IMMP2L: variants seen among roughly 807,000 people sequenced by gnomAD.
IMMP2L encodes the protein mitochondrial inner membrane protease subunit 2.
In IMMP2L, 18 loss-of-function variants were observed where a neutral mutation model predicts 19.3. The ratio of observed to expected loss-of-function variants is 0.93; its 90% CI spans 0.64 to 1.38. IMMP2L has a LOEUF of 1.38. Among genes scored for constraint, IMMP2L ranks in the 40% most tolerant of loss-of-function variants. The pLI, the probability that IMMP2L is intolerant of heterozygous loss-of-function variation, is 0.00. For synonymous variants in IMMP2L, 76 were observed against 73.0 expected (o/e 1.04, Z -0.21); for missense variants, 233 against 218.2 (o/e 1.07, Z -0.43).
At chr7:110,812,527 C>T (rs1395729998) in intron 5 of IMMP2L, among the ~76,000 whole-genome samples, 1 of 151,990 alleles carries the variant, frequency 6.6e-6, no homozygotes, top group African/African-American at 2.4e-5. Context: ...CTTCTAGGAG[C>T]TGGCATCAGA....
At chr7:110,954,764 C>T (rs1341371668) in intron 4 of IMMP2L, among the ~76,000 whole-genome samples, 2 of 151,980 alleles carry the variant, frequency 1.3e-5, no homozygotes, top group Admixed American at 6.6e-5. Flanking sequence ...AATAAATAAA[C>T]ATGCAAGATT....
chr7:111,512,319 A>G (rs547030109), intron 2 of IMMP2L, among the ~76,000 whole-genome samples: 2 of 152,136 alleles, frequency 1.3e-5, no homozygotes, highest in Non-Finnish European at 2.9e-5. Context: ...AGGTTCAGAA[A>G]AGGCAAATCT....
chr7:110,880,456 T>C (rs1027075257), intron 5 of IMMP2L, among the ~76,000 whole-genome samples: 10 of 152,142 alleles, frequency 6.6e-5, no homozygotes, highest in African/African-American at 2.4e-4. Context: ...TTACATAGCT[T>C]GCTATTTATT....
At chr7:111,387,997 A>C (rs1034720839) in intron 3 of IMMP2L, among the ~76,000 whole-genome samples, 1 of 151,272 alleles carries the variant, frequency 6.6e-6, no homozygotes, top group African/African-American at 2.4e-5. Context: ...AAAAAAAAAA[A>C]AACTAAAATA....
chr7:111,174,189 A>G (rs776407871), intron 3 of IMMP2L, among the ~76,000 whole-genome samples: 5 of 151,770 alleles, frequency 3.3e-5, no homozygotes, highest in Non-Finnish European at 7.4e-5. Flanking sequence ...GGCTATAACC[A>G]CAGAGACTTT....
intron 3 of IMMP2L, among the ~76,000 whole-genome samples, chr7:110,997,535 C>G (rs896362900): frequency 1.3e-5 from 2 of 152,050 alleles, no homozygotes; most frequent in Non-Finnish European, 2.9e-5. Flanking sequence ...GGTGTTGTCA[C>G]TATTATTTAT....
At chr7:111,446,771 G>C (rs1261841645) in intron 3 of IMMP2L, among the ~76,000 whole-genome samples, 1 of 152,164 alleles carries the variant, frequency 6.6e-6, no homozygotes, top group Non-Finnish European at 1.5e-5. Context: ...GCTACGGGAG[G>C]ACATTCAAAG....
intron 5 of IMMP2L, among the ~76,000 whole-genome samples, chr7:110,678,643 C>T (rs1303358660): frequency 1.3e-5 from 2 of 152,060 alleles, no homozygotes; most frequent in Non-Finnish European, 2.9e-5. Context: ...GCATGCTAGA[C>T]ATACAAAGGA....
chr7:111,553,792 T>G (rs1271925988), intron 1 of IMMP2L, among the ~76,000 whole-genome samples: 1 of 152,212 alleles, frequency 6.6e-6, no homozygotes, highest in Non-Finnish European at 1.5e-5. Flanking sequence ...CATAAAGTAG[T>G]TCCTATCTTA....
At chr7:110,775,558 T>C (rs1317340546) in intron 5 of IMMP2L, among the ~76,000 whole-genome samples, 1 of 152,054 alleles carries the variant, frequency 6.6e-6, no homozygotes, top group Non-Finnish European at 1.5e-5. Flanking sequence ...ACAAAAAATG[T>C]TGAATGTTTT....
In IMMP2L at chr7:110,877,717, C is replaced by T. The variant is rs1809222743; in HGVS notation, c.408+8876G>A. Among the ~76,000 whole-genome samples, 1 of 152,036 alleles carries T rather than the reference C, an allele frequency of 6.6e-6. No individual in the cohort carries two copies. Among genetic ancestry groups the T allele is most frequent in the Admixed American group, 6.6e-5 (1 of 15,234 alleles). On this transcript the variant is annotated intron_variant, in intron 5 of 5. Coordinates refer to ENST00000405709, the MANE Select transcript of IMMP2L (RefSeq NM_032549.4). This position sits in a 1 kb window ranked among gnomAD's most constrained non-coding sequence, Gnocchi z 4.0. ...GGTGCCTGTGTTTTTGAGAAACCTG[C>T]ACATCACAAGTTTTACAAAAATTAA...
intron 3 of IMMP2L, among the ~76,000 whole-genome samples, chr7:111,447,267 A>AG (rs1838581835): frequency 8.4e-6 from 1 of 119,468 alleles, no homozygotes; most frequent in Non-Finnish European, 1.7e-5. Flanking sequence ...AGATTCACCA[A>AG]AGTTGAAATG....
chr7:110,795,727 T>C (rs1165506158), intron 5 of IMMP2L, among the ~76,000 whole-genome samples: 2 of 152,072 alleles, frequency 1.3e-5, no homozygotes, highest in Non-Finnish European at 2.9e-5. Context: ...GGAATCACAC[T>C]AAGATTTTTG....
intron 5 of IMMP2L, among the ~76,000 whole-genome samples, chr7:110,706,921 G>A (rs1203611212): frequency 6.6e-6 from 1 of 151,404 alleles, no homozygotes; most frequent in East Asian, 1.9e-4. Context: ...TCTTTCCCAA[G>A]GTTGATACCC....
intron 3 of IMMP2L, among the ~76,000 whole-genome samples, chr7:111,447,810 C>T (rs561276544): frequency 2.6e-5 from 4 of 151,802 alleles, no homozygotes; most frequent in African/African-American, 9.7e-5. Flanking sequence ...ATTCAGGAAA[C>T]CCATCTCACG....
At chr7:111,108,701 A>T in intron 3 of IMMP2L, among the ~76,000 whole-genome samples, 1 of 152,268 alleles carries the variant, frequency 6.6e-6, no homozygotes, top group East Asian at 1.9e-4. Context: ...TAAAAAAAAC[A>T]TATTTATTTC....
chr7:110,999,761 C>G (rs1430080579), intron 3 of IMMP2L, among the ~76,000 whole-genome samples: 1 of 152,058 alleles, frequency 6.6e-6, no homozygotes, highest in East Asian at 1.9e-4. Flanking sequence ...TTCATAGTTA[C>G]AAAAGGAGGG....
intron 5 of IMMP2L, among the ~76,000 whole-genome samples, chr7:110,742,713 G>T (rs576386872): frequency 1.3e-5 from 2 of 148,562 alleles, no homozygotes; most frequent in South Asian, 2.1e-4. Context: ...GTTGCAGTGC[G>T]CCAGAGATCA....
At chr7:111,075,931 C>T (rs1467261502) in intron 3 of IMMP2L, among the ~76,000 whole-genome samples, 2 of 152,126 alleles carry the variant, frequency 1.3e-5, no homozygotes. Flanking sequence ...TTGTTTACAG[C>T]CAATTTAATT....
Sources: allele counts gnomAD v4.1 joint callset (sites outside exome capture counted in the v4.1 genomes callset), GRCh38; gene constraint gnomAD v4.1.1; non-coding constraint Gnocchi (gnomAD v3.1); transcripts MANE v1.5; gene names NCBI Gene and HGNC (gene_info 2026-07-23, HGNC 2026-07-21).